Variants in SWT1 observed in about 807,000 individuals in gnomAD.
SWT1 encodes transcriptional protein SWT1.
SWT1 carries 33 observed loss-of-function variants against 107.3 expected under a neutral mutation model. That is an observed-to-expected ratio of 0.31 (90% CI 0.23 to 0.41). SWT1 has a LOEUF of 0.41. Ranked by LOEUF, SWT1 falls within the 10% of genes least tolerant of loss-of-function variation. The pLI is 1.00. For synonymous variants in SWT1, 345 were observed against 348.3 expected (o/e 0.99, Z 0.11); for missense variants, 898 against 1,028.9 (o/e 0.87, Z 1.74).
chr1:185,215,664 G>A (rs928943437), intron 14 of SWT1, among the ~76,000 whole-genome samples: 28 of 151,998 alleles, frequency 1.8e-4, no homozygotes, highest in Non-Finnish European at 3.5e-4. Flanking sequence ...TCAGCCCCCC[G>A]AATAGCTGGG....
rs369761289 is a variant in SWT1, at chr1:185,190,632, A to G, written c.1513A>G (p.Ile505Val). 2.5e-6 allele frequency: 4 copies of G among 1,597,336 alleles called. No individual in the cohort carries two copies. The highest frequency in any genetic ancestry group is 3.4e-6 in the Non-Finnish European group (4 of 1,165,538). ...HQELFPCSFV[I>V]LCTDDRNLRN... is the part of the protein sequence containing the mutation. ...GGAATTATTCCCTTGTTCTTTTGTT[A>G]TTCTGTGCACGTGAGTTTCATAGTC... is the stretch of plus-strand genomic sequence containing the variant. Residue 505 changes from isoleucine (I) to valine (V), a missense_variant, in exon 10 of 19, where the codon ATT (isoleucine) becomes GTT (valine). Ile to Val is a conservative substitution (Grantham distance 29). Around this residue, in one of 6 missense-constraint regions of SWT1, gnomAD observed 382 missense variants for 460.0 expected, o/e 0.83. Coordinates refer to ENST00000367500, the MANE Select transcript of SWT1 (RefSeq NM_017673.7).
chr1:185,218,357 G>A (rs1158133954), intron 14 of SWT1, among the ~76,000 whole-genome samples: 1 of 152,154 alleles, frequency 6.6e-6, no homozygotes, highest in East Asian at 1.9e-4. Flanking sequence ...CCAGACCTGA[G>A]TGCAGAGTTG....
At position 185,197,685 on chromosome 1, in the gene SWT1, T is replaced by G. The variant is rs141717594; in HGVS notation, c.1524-4969T>G. Among the ~76,000 whole-genome samples the G allele has an allele frequency of 5.9e-3, 901 of 152,276 alleles. 33 individuals carry two copies. The East Asian group carries it at 0.096, about 16-fold the overall frequency. ...CAGCTTCTTCCTGATTTAGACTTGG[T>G]AGGGTGTATGTGTCCAGGAATTTCT... On this transcript the variant is annotated intron_variant, in intron 10 of 18. Transcript: ENST00000367500.
At chr1:185,216,903 G>T (rs1178906991) in intron 14 of SWT1, among the ~76,000 whole-genome samples, 2 of 150,380 alleles carry the variant, frequency 1.3e-5, no homozygotes, top group Non-Finnish European at 2.9e-5. Context: ...AGTGAGCTGA[G>T]ATCGTGCCAC....
rs1571521283 is a variant in SWT1, at chr1:185,213,441, A to G, written c.1973-1066A>G. 2.0e-5 allele frequency among the ~76,000 whole-genome samples: 3 copies of G among 151,780 alleles called. No individual in the cohort carries two copies. The South Asian group carries it at 6.2e-4, about 31-fold the overall frequency. On this transcript the variant is annotated intron_variant, in intron 13 of 18. Transcript: ENST00000367500. ...AGAAGCCAGAGGCTTGGCTACAACC[A>G]TTACATTAGATTAGAGTTTCTGAAT...
intron 10 of SWT1, among the ~76,000 whole-genome samples, chr1:185,195,151 C>T (rs1462982130): frequency 1.3e-5 from 2 of 152,136 alleles, no homozygotes; most frequent in Non-Finnish European, 2.9e-5. Context: ...TTCCCCTATC[C>T]CTCAACCACC....
At chr1:185,221,442 AT>A (rs148098302) in intron 14 of SWT1, among the ~76,000 whole-genome samples, 14 of 149,820 alleles carry the variant, frequency 9.3e-5, no homozygotes, top group South Asian at 4.2e-4. Flanking sequence ...TTATATCTTG[AT>A]TTTTTTTTTA....
At chr1:185,216,841 A>G (rs1268581555) in intron 14 of SWT1, among the ~76,000 whole-genome samples, 1 of 152,016 alleles carries the variant, frequency 6.6e-6, no homozygotes, top group African/African-American at 2.4e-5. Context: ...AGTCCCAGCT[A>G]CTTGGGAGGA....
At chr1:185,290,528 A>G in intron 18 of SWT1, 146 bp from the exon 19 acceptor site, 1 of 416,346 alleles carries the variant, frequency 2.4e-6, no homozygotes. Flanking sequence ...GCCATTCTAC[A>G]ATATATACCT....
chr1:185,196,044 G>A (rs1446484955), intron 10 of SWT1, among the ~76,000 whole-genome samples: 1 of 152,152 alleles, frequency 6.6e-6, no homozygotes, highest in Admixed American at 6.5e-5. Context: ...TGCTTTTGGT[G>A]TTTTAGTCAT....
At chr1:185,273,609 A>T (rs999447416) in intron 17 of SWT1, among the ~76,000 whole-genome samples, 1 of 151,870 alleles carries the variant, frequency 6.6e-6, no homozygotes. Context: ...AGGCTGAGGC[A>T]GGAGAATTGC....
chr1:185,238,752 A>C (rs544140628), intron 16 of SWT1, among the ~76,000 whole-genome samples: 87 of 152,222 alleles, frequency 5.7e-4, no homozygotes, highest in African/African-American at 1.9e-3. Flanking sequence ...ATAGGCATTT[A>C]AATTAAAATT....
intron 4 of SWT1, among the ~76,000 whole-genome samples, chr1:185,171,000 C>G (rs1571404248): frequency 1.3e-5 from 2 of 152,088 alleles, no homozygotes; most frequent in Non-Finnish European, 2.9e-5. Context: ...GAGAAAAGCA[C>G]CAGAGACGAT....
chr1:185,283,883 T>A (rs1664793658), intron 18 of SWT1, among the ~76,000 whole-genome samples: 1 of 152,200 alleles, frequency 6.6e-6, no homozygotes, highest in Admixed American at 6.5e-5. Flanking sequence ...TATTCATTCA[T>A]CTCTTGATGG....
intron 15 of SWT1, among the ~76,000 whole-genome samples, chr1:185,222,421 G>A (rs1475314458): frequency 6.6e-6 from 1 of 151,870 alleles, no homozygotes; most frequent in Non-Finnish European, 1.5e-5. Flanking sequence ...TTTTTCATGA[G>A]GTATTCATCA....
chr1:185,283,756 C>T lies in SWT1; in HGVS notation c.2574-6918C>T, dbSNP rs893832479. On this transcript the variant is annotated intron_variant, in intron 18 of 18. Coordinates refer to ENST00000367500, the MANE Select transcript of SWT1 (RefSeq NM_017673.7). ...TGACCTTTGTATCTCTCTTTTTTCA[C>T]TTAGCATAATGTTTTTGAGGTTTAT... Among the ~76,000 whole-genome samples, 3 of 152,100 alleles carry T rather than the reference C, an allele frequency of 2.0e-5. 1 individual carries two copies. Among genetic ancestry groups the T allele is most frequent in the African/African-American group, 7.2e-5 (3 of 41,428 alleles).
intron 10 of SWT1, among the ~76,000 whole-genome samples, chr1:185,200,218 G>A (rs1657757017): frequency 6.6e-6 from 1 of 151,988 alleles, no homozygotes; most frequent in African/African-American, 2.4e-5. Flanking sequence ...AGAGGAGTTT[G>A]CTATTACTCA....
At chr1:185,266,886 T>A (rs1431767045) in intron 16 of SWT1, among the ~76,000 whole-genome samples, 1 of 152,198 alleles carries the variant, frequency 6.6e-6, no homozygotes, top group Non-Finnish European at 1.5e-5. Flanking sequence ...ACATTAGTGT[T>A]TGAACGTACA....
chr1:185,283,151 A>G (rs931451612), intron 18 of SWT1, among the ~76,000 whole-genome samples: 3 of 152,232 alleles, frequency 2.0e-5, no homozygotes, highest in African/African-American at 7.2e-5. Flanking sequence ...AAGTAGCTCA[A>G]GAACATAAAA....
Sources: allele counts gnomAD v4.1 joint callset (sites outside exome capture counted in the v4.1 genomes callset), GRCh38; gene constraint gnomAD v4.1.1; regional missense constraint gnomAD v4.1.1; transcripts MANE v1.5; gene names NCBI Gene and HGNC (gene_info 2026-07-23, HGNC 2026-07-21).